The following SNTB1 variants were observed in gnomAD, a reference collection of about 807,000 sequenced individuals.
The protein encoded by SNTB1 is syntrophin beta 1.
A neutral mutation model predicts 48.9 loss-of-function variants in SNTB1; 36 were observed. That is an observed-to-expected ratio of 0.74 (90% CI 0.56 to 0.97). SNTB1 has a LOEUF of 0.97. SNTB1 is among the 50% of genes least tolerant of loss of function. SNTB1 has a pLI of 0.00. For missense variants in SNTB1, 786 were observed against 703.4 expected, an observed-to-expected ratio of 1.12 and a Z score of -1.33; for synonymous variants, 299 against 294.6, an observed-to-expected ratio of 1.01 and a Z score of -0.15.
In SNTB1 at chr8:120,704,827, T is replaced by C. The variant is rs1199881275; in HGVS notation, c.572-10919A>G. On this transcript the variant is annotated intron_variant, in intron 1 of 6. Coordinates refer to ENST00000517992, the MANE Select transcript of SNTB1 (RefSeq NM_021021.4). ...ATAAAAAGATGAAATATAATAGGGA[T>C]AAAGTAGAAAGTTCTGTCATTGCAT... 2.6e-5 allele frequency among the ~76,000 whole-genome samples: 4 copies of C among 152,188 alleles called. No individual in the cohort carries two copies. The East Asian group carries it at 7.7e-4, about 29-fold the overall frequency.
At chr8:120,541,715 A>T in intron 6 of SNTB1, 95 bp downstream of exon 6, 1 of 825,238 alleles carries the variant, frequency 1.2e-6, no homozygotes, top group Non-Finnish European at 1.8e-6. Context: ...GCACATCATT[A>T]GCAGTCAAAT....
intron 1 of SNTB1, among the ~76,000 whole-genome samples, chr8:120,714,095 CAT>C (rs1818513759): frequency 1.3e-5 from 2 of 152,142 alleles, no homozygotes; most frequent in South Asian, 4.1e-4. Context: ...ATACCAGAAA[CAT>C]GTAAATTTGG....
At chr8:120,800,699 T>C (rs1820211287) in intron 1 of SNTB1, among the ~76,000 whole-genome samples, 1 of 152,034 alleles carries the variant, frequency 6.6e-6, no homozygotes. Flanking sequence ...AAATCTATTG[T>C]TGTATTCGAA....
chr8:120,608,485 G>A (rs1816562946), intron 3 of SNTB1, among the ~76,000 whole-genome samples: 2 of 152,166 alleles, frequency 1.3e-5, no homozygotes, highest in Non-Finnish European at 2.9e-5. Context: ...GACACCCACA[G>A]AGGGAAGAAC....
At chr8:120,733,982 T>G (rs973446458) in intron 1 of SNTB1, among the ~76,000 whole-genome samples, 1 of 152,190 alleles carries the variant, frequency 6.6e-6, no homozygotes, top group Non-Finnish European at 1.5e-5. Context: ...AATATCAGCC[T>G]TAAGGCTTAT....
At chr8:120,644,347 A>G (rs201608884) in intron 2 of SNTB1, among the ~76,000 whole-genome samples, 21 of 121,750 alleles carry the variant, frequency 1.7e-4, no homozygotes, top group South Asian at 1.1e-3. Context: ...AGAGTGTGAT[A>G]TTCCCCTTCC....
chr8:120,668,591 C>T (rs1296152874), intron 2 of SNTB1, among the ~76,000 whole-genome samples: 1 of 152,160 alleles, frequency 6.6e-6, no homozygotes, highest in East Asian at 1.9e-4. Context: ...GTTACTGTGT[C>T]TGTAAACAGG....
At chr8:120,730,180 A>G (rs909719148) in intron 1 of SNTB1, among the ~76,000 whole-genome samples, 14 of 152,056 alleles carry the variant, frequency 9.2e-5, no homozygotes, top group African/African-American at 3.4e-4. Context: ...TTTTTTTGAG[A>G]CAGAGTCTTG....
At chr8:120,755,651 ATAG>A (rs1422076377) in intron 1 of SNTB1, among the ~76,000 whole-genome samples, 2 of 152,166 alleles carry the variant, frequency 1.3e-5, no homozygotes, top group South Asian at 2.1e-4. Flanking sequence ...AACAATTATA[ATAG>A]TAGTAGTGGT....
In SNTB1 at chr8:120,727,640, C is replaced by T. The variant is rs147489650; in HGVS notation, c.572-33732G>A. Among the ~76,000 whole-genome samples the T allele has an allele frequency of 9.7e-4, 148 of 152,246 alleles. 2 individuals carry two copies. Among genetic ancestry groups the T allele is most frequent in the East Asian group, 7.9e-3 (41 of 5,186 alleles). On this transcript the variant is annotated intron_variant, in intron 1 of 6. Transcript: ENST00000517992. ...TCATATGTAGACTATTGCAACAAGA[C>T]CCAAGTTGAAATTTAGCCAAACTAC...
At chr8:120,729,497 C>T (rs751760046) in intron 1 of SNTB1, among the ~76,000 whole-genome samples, 2 of 152,166 alleles carry the variant, frequency 1.3e-5, no homozygotes, top group Non-Finnish European at 2.9e-5. Context: ...CTAGATATCT[C>T]TGAAATATTC....
At chr8:120,648,422 A>G (rs879231285) in intron 2 of SNTB1, among the ~76,000 whole-genome samples, 294 of 151,822 alleles carry the variant, frequency 1.9e-3, no homozygotes, top group Admixed American at 3.9e-3. Context: ...TCCTTCACTT[A>G]TGAAGCTTAG....
intron 4 of SNTB1, among the ~76,000 whole-genome samples, chr8:120,569,729 A>G (rs965858395): frequency 2.6e-5 from 4 of 152,130 alleles, no homozygotes; most frequent in Non-Finnish European, 1.5e-5. Flanking sequence ...GATGTTCTAG[A>G]TCTGTGCTGT....
chr8:120,566,377 TG>T (rs1281678055), intron 4 of SNTB1, among the ~76,000 whole-genome samples: 1 of 148,548 alleles, frequency 6.7e-6, no homozygotes, highest in Non-Finnish European at 1.5e-5. Context: ...TTGGGGAGTC[TG>T]TTAGTCCCTT....
At chr8:120,787,648 A>G (rs2130143634) in intron 1 of SNTB1, among the ~76,000 whole-genome samples, 1 of 152,268 alleles carries the variant, frequency 6.6e-6, no homozygotes, top group Non-Finnish European at 1.5e-5. Context: ...GCCTGAGGAC[A>G]AGGCTTTTGA....
At chr8:120,774,756 C>T (rs1225178212) in intron 1 of SNTB1, among the ~76,000 whole-genome samples, 2 of 152,102 alleles carry the variant, frequency 1.3e-5, no homozygotes, top group African/African-American at 2.4e-5. Flanking sequence ...TGGGTTCAAA[C>T]CATTCTCCTG....
chr8:120,562,806 C>A (rs1206097704), intron 4 of SNTB1, among the ~76,000 whole-genome samples: 1 of 152,018 alleles, frequency 6.6e-6, no homozygotes, highest in African/African-American at 2.4e-5. Flanking sequence ...CTGGTTGGGT[C>A]CCCATCCACC....
chr8:120,690,442 G>A (rs555669155), intron 2 of SNTB1, among the ~76,000 whole-genome samples: 3 of 152,202 alleles, frequency 2.0e-5, no homozygotes, highest in East Asian at 1.9e-4. Context: ...TGCAGTTTCC[G>A]CTATAAAAGT....
intron 2 of SNTB1, among the ~76,000 whole-genome samples, chr8:120,684,067 A>G (rs926639575): frequency 6.6e-6 from 1 of 152,210 alleles, no homozygotes; most frequent in African/African-American, 2.4e-5. Context: ...AAAGTCCAAG[A>G]TCAAGACACT....
Sources: gnomAD v4.1 joint callset for allele counts (sites outside exome capture counted in the v4.1 genomes callset) on GRCh38, gnomAD v4.1.1 for gene constraint, MANE v1.5 for transcripts, NCBI Gene and HGNC (gene_info 2026-07-23, HGNC 2026-07-21) for gene names.